Variants in LAMB2 observed in about 807,000 individuals in gnomAD.
The protein encoded by LAMB2 is laminin subunit beta-2.
A neutral mutation model predicts 202.7 loss-of-function variants in LAMB2; 119 were observed. The ratio of observed to expected loss-of-function variants is 0.59; its 90% CI spans 0.51 to 0.68. The LOEUF (loss-of-function observed/expected upper bound fraction) is 0.68. Among genes scored for constraint, LAMB2 ranks in the 30% least tolerant of loss-of-function variants. The pLI is 0.00. For missense variants in LAMB2, 2,124 were observed against 2,410.6 expected, an observed-to-expected ratio of 0.88 and a Z score of 2.49; for synonymous variants, 818 against 902.2, an observed-to-expected ratio of 0.91 and a Z score of 1.67.
Position 49,124,388 on chromosome 3 carries a change from C to T in LAMB2, c.3327+7G>A. The T allele has an allele frequency of 6.2e-7, 1 of 1,613,410 alleles. No homozygotes were observed. The highest frequency in any genetic ancestry group is 1.7e-4 in the Middle Eastern group (1 of 6,058). Reference sequence around the variant, plus strand: ...TCTAACCAGGGATCTGCAGGAGGGTCCCATACCTCGTTGCAGGTGGGGCCT... The same window carrying T: ...TCTAACCAGGGATCTGCAGGAGGGTTCCATACCTCGTTGCAGGTGGGGCCT... On this transcript the variant is annotated splice_region_variant and intron_variant, in intron 22 of 31. Coordinates refer to ENST00000305544, the MANE Select transcript of LAMB2 (RefSeq NM_002292.4).
chr3:49,130,499 C>T lies in LAMB2; in HGVS notation c.1037-80G>A. 2.6e-6 allele frequency: 4 copies of T among 1,537,806 alleles called. No individual in the cohort carries two copies. Among genetic ancestry groups the T allele is most frequent in the Admixed American group, 1.7e-5 (1 of 59,764 alleles). ...GTAAGAAGTAGGCCACCTTAGATCC[C>T]TATCACAGGCCAGAATTTGTGGGTA... On this transcript the variant is annotated intron_variant, in intron 8 of 31. Coordinates refer to ENST00000305544, the MANE Select transcript of LAMB2 (RefSeq NM_002292.4). The surrounding 1 kb of genome is among the most constrained non-coding windows in gnomAD (Gnocchi z 5.0).
chr3:49,132,567 C>T lies in LAMB2; in HGVS notation c.173G>A (p.Arg58Gln), dbSNP rs2107645705. The T allele has an allele frequency of 1.9e-6, 3 of 1,613,722 alleles. No homozygotes were observed. The highest frequency in any genetic ancestry group is 1.3e-5 in the African/African-American group (1 of 75,066). ...GGATGAGGCAGTCAGTCTGTCAGCT[C>T]GGCCCACCAGCAGGTCGCCCGTGGC... Reference protein sequence around the residue: ...YPATGDLLVGRADRLTASSTC... With the variant: ...YPATGDLLVGQADRLTASSTC... The change falls in exon 2 of 32, where the codon CGA becomes CAA. Residue 58 changes from arginine to glutamine, a missense_variant. Physicochemically the swap from Arg to Gln is conservative, Grantham distance 43 (BLOSUM62 1). Around this residue, in one of 3 missense-constraint regions of LAMB2, gnomAD observed 166 missense variants for 158.2 expected, o/e 1.05. Coordinates refer to ENST00000305544, the MANE Select transcript of LAMB2 (RefSeq NM_002292.4). The surrounding 1 kb of genome is among the most constrained non-coding windows in gnomAD (Gnocchi z 4.6).
At position 49,121,181 on chromosome 3, in the gene LAMB2, G is replaced by A. The variant is rs757734583; in HGVS notation, c.*45C>T. 2 of 1,609,788 alleles carry A rather than the reference G, an allele frequency of 1.2e-6. No individual in the cohort carries two copies. Among genetic ancestry groups the A allele is most frequent in the South Asian group, 1.1e-5 (1 of 90,952 alleles). On this transcript the variant is annotated 3_prime_UTR_variant, in exon 32 of 32. Transcript: ENST00000305544. Reference sequence around the variant, plus strand: ...AGCTCTTCAGTGCATAGGCAGACATGCATGTGGGGCAGTGCTAGGAACTGG... The same window carrying A: ...AGCTCTTCAGTGCATAGGCAGACATACATGTGGGGCAGTGCTAGGAACTGG...
In LAMB2 at chr3:49,129,902, G is replaced by A. The variant is rs1374680154; in HGVS notation, c.1342C>T (p.Arg448Cys). ...AAGCCATCACGGCATTGCTGGCAGC[G>A]AGTGCCCACCACATGTTCTTTGCAG... ...CRCKEHVVGT[R>C]CQQCRDGFFG... The change falls in exon 10 of 32, where the codon CGC becomes TGC. Residue 448 changes from arginine (R) to cysteine (C), a missense_variant. Coordinates refer to ENST00000305544, the MANE Select transcript of LAMB2 (RefSeq NM_002292.4). This position sits in a 1 kb window ranked among gnomAD's most constrained non-coding sequence, Gnocchi z 6.1. 1.9e-6 allele frequency: 3 copies of A among 1,613,862 alleles called. No individual in the cohort carries two copies. The highest frequency in any genetic ancestry group is 1.3e-5 in the African/African-American group (1 of 74,924).
rs201179067 is a variant in LAMB2, at chr3:49,132,506, G to C, written c.234C>G (p.Ile78Met). Residue 78 changes from isoleucine to methionine, a missense_variant, in exon 2 of 32, where the codon ATC becomes ATG. Transcript: ENST00000305544. This position sits in a 1 kb window ranked among gnomAD's most constrained non-coding sequence, Gnocchi z 4.6. ...CGLNGPQPYC[I>M]VSHLQDEKKC... ...CCAGCCACACCTGCAGGTGACTGAC[G>C]ATGCAGTAGGGCTGGGGGCCATTCA... 10 of 1,613,834 alleles carry C rather than the reference G, an allele frequency of 6.2e-6. No individual in the cohort carries two copies. The highest frequency in any genetic ancestry group is 8.5e-6 in the Non-Finnish European group (10 of 1,180,004).
In LAMB2 at chr3:49,123,646, A is replaced by T. The variant is rs781170284; in HGVS notation, c.3798-15T>A. The T allele has an allele frequency of 3.1e-6, 5 of 1,613,792 alleles. No individual in the cohort carries two copies. The highest frequency in any genetic ancestry group is 8.5e-7 in the Non-Finnish European group (1 of 1,180,018). On this transcript the variant is annotated splice_polypyrimidine_tract_variant and intron_variant, in intron 24 of 31. Transcript: ENST00000305544. ...CAATTTCACGCCTGCAATGATGGAG[A>T]GGGGGGTGTTTAGAGAGGCTTCAGC...
Position 49,123,292 on chromosome 3 carries a change from G to A in LAMB2, c.4064C>T (p.Pro1355Leu), listed in dbSNP as rs201104040. 3 of 1,614,126 alleles carry A rather than the reference G, an allele frequency of 1.9e-6. No homozygotes were observed. ...ACTTGCCGAGTTGCTCACAGGGCTA[G>A]GTACTGCCAGGGCTGAGGTATTGGC... ...RRANTSALAV[P>L]SPVSNSASAR... Residue 1355 changes from proline to leucine, a missense_variant, in exon 26 of 32, where the codon CCT (proline) becomes CTT (leucine). Physicochemically the swap from Pro to Leu is moderately conservative, Grantham distance 98. This residue lies in a region of LAMB2 where 1,702 missense variants were observed against 1,896.3 expected (regional missense o/e 0.90). Coordinates refer to ENST00000305544, the MANE Select transcript of LAMB2 (RefSeq NM_002292.4).
rs745947431 is a variant in LAMB2 at position 49,121,191 on chromosome 3, C to A, written c.*35G>T. 1.6e-5 allele frequency: 26 copies of A among 1,611,414 alleles called. No homozygotes were observed. The highest frequency in any genetic ancestry group is 2.1e-5 in the Non-Finnish European group (25 of 1,179,658). The stretch of plus-strand genomic sequence containing the variant: ...TGCATAGGCAGACATGCATGTGGGG[C>A]AGTGCTAGGAACTGGGGTAGGCCTT... On this transcript the variant is annotated 3_prime_UTR_variant, in exon 32 of 32. Coordinates refer to ENST00000305544, the MANE Select transcript of LAMB2 (RefSeq NM_002292.4).
Position 49,129,199 on chromosome 3 carries a change from C to T in LAMB2, c.1598+46G>A. 16 of 1,614,138 alleles carry T rather than the reference C, an allele frequency of 9.9e-6. No homozygotes were observed. Among genetic ancestry groups the T allele is most frequent in the Non-Finnish European group, 1.3e-5 (15 of 1,180,024 alleles). Reference sequence around the variant, plus strand: ...CTCAAGAAGAACCTTCTCTTCTGCTCAGGATCTTTCCCCATCCCTTCCCAG... The same window carrying T: ...CTCAAGAAGAACCTTCTCTTCTGCTTAGGATCTTTCCCCATCCCTTCCCAG... On this transcript the variant is annotated intron_variant, in intron 12 of 31. Coordinates refer to ENST00000305544, the MANE Select transcript of LAMB2 (RefSeq NM_002292.4). The surrounding 1 kb of genome is among the most constrained non-coding windows in gnomAD (Gnocchi z 6.1).
chr3:49,123,442 C>T lies in LAMB2; in HGVS notation c.3982+5G>A. On this transcript the variant is annotated splice_donor_5th_base_variant and intron_variant, in intron 25 of 31. Coordinates refer to ENST00000305544, the MANE Select transcript of LAMB2 (RefSeq NM_002292.4). ...GTCCACCTGCCTAGTTGGCTAACAACTCACCCAGGAAGTTTGAATGTTTGA... is the reference window on the plus strand; with the variant it reads ...GTCCACCTGCCTAGTTGGCTAACAATTCACCCAGGAAGTTTGAATGTTTGA... 4 of 1,614,118 alleles carry T rather than the reference C, an allele frequency of 2.5e-6. No individual in the cohort carries two copies. The highest frequency in any genetic ancestry group is 3.4e-6 in the Non-Finnish European group (4 of 1,180,042).
chr3:49,125,757 T>G lies in LAMB2; in HGVS notation c.2478A>C (p.Thr826=), dbSNP rs2045406834. 6.2e-7 allele frequency: 1 copy of G among 1,613,948 alleles called. No individual in the cohort carries two copies. The highest frequency in any genetic ancestry group is 8.5e-7 in the Non-Finnish European group (1 of 1,179,938). ...CAPGYYGFGP[T]GCQACQCSHE... ...GGGGCAGAAGAGTACCTTGACAGCC[T>G]GTGGGGCCAAAGCCATAGTAGCCAG... Residue 826 remains threonine (T), a synonymous_variant, in exon 18 of 32, where the codon ACA becomes ACC. Transcript: ENST00000305544.
In LAMB2 at chr3:49,129,873, A is replaced by AAAG; in HGVS notation, c.1368_1370dup (p.Phe457dup). 6.2e-7 allele frequency: 1 copy of AAAG among 1,613,960 alleles called. No individual in the cohort carries two copies. Among genetic ancestry groups the AAAG allele is most frequent in the Non-Finnish European group, 8.5e-7 (1 of 1,180,046 alleles). ...CCAGACGGTCACTGATGCTGAGCCC[A>AAAG]AAGAAGCCATCACGGCATTGCTGGC... On this transcript the variant is annotated inframe_insertion, in exon 10 of 32. Transcript: ENST00000305544. The surrounding 1 kb of genome is among the most constrained non-coding windows in gnomAD (Gnocchi z 6.1).
In LAMB2 at chr3:49,121,330, C is replaced by T. The variant is rs74951356; in HGVS notation, c.5293G>A (p.Ala1765Thr). ...LEGTYEENER[A>T]LESKAAQLDG... ...AACTGGGCTGCCTTACTCTCCAGTG[C>T]CCGCTCATTTTCCTCATAGGTGCCT... Residue 1765 changes from alanine to threonine, a missense_variant, in exon 32 of 32, where the codon GCA becomes ACA. This residue lies in a region of LAMB2 where 1,702 missense variants were observed against 1,896.3 expected (regional missense o/e 0.90). Transcript: ENST00000305544. 0.027 allele frequency: 42,993 copies of T among 1,613,976 alleles called. 663 individuals are homozygous for T. Among genetic ancestry groups the T allele is most frequent in the Non-Finnish European group, 0.031 (37,011 of 1,180,032 alleles).
At position 49,131,521 on chromosome 3, in the gene LAMB2, A is replaced by T. The variant is rs1353626241; in HGVS notation, c.648+14T>A. 6.2e-7 allele frequency: 1 copy of T among 1,613,888 alleles called. No individual in the cohort carries two copies. The highest frequency in any genetic ancestry group is 8.5e-7 in the Non-Finnish European group (1 of 1,180,022). On this transcript the variant is annotated intron_variant, in intron 5 of 31. Transcript: ENST00000305544. The surrounding 1 kb of genome is among the most constrained non-coding windows in gnomAD (Gnocchi z 5.0). ...CCCCAGCTTCCAGCCCCCAGCCCAG[A>T]TGCCAGCCCTCACCTCGCCTTCAGT...
intron 13 of LAMB2, 67 bp downstream of exon 13, chr3:49,128,953 C>G (rs1185410271): frequency 1.2e-6 from 2 of 1,602,208 alleles, no homozygotes; most frequent in African/African-American, 2.7e-5. Flanking sequence ...CTGCCCATAA[C>G]CCCACCTCTC....
In LAMB2 at chr3:49,130,170, C is replaced by A; in HGVS notation, c.1225+61G>T. On this transcript the variant is annotated intron_variant, in intron 9 of 31. Transcript: ENST00000305544. This position sits in a 1 kb window ranked among gnomAD's most constrained non-coding sequence, Gnocchi z 5.0. ...ATTTCCTGCAATTTAGACAGCAGTCCAGCTCTCTAGTTCCTGCCCCAGGCT... is the reference window on the plus strand; with the variant it reads ...ATTTCCTGCAATTTAGACAGCAGTCAAGCTCTCTAGTTCCTGCCCCAGGCT... 6.2e-7 allele frequency: 1 copy of A among 1,601,700 alleles called. No homozygotes were observed. Among genetic ancestry groups the A allele is most frequent in the Non-Finnish European group, 8.5e-7 (1 of 1,171,356 alleles).
rs763924308 is a variant in LAMB2 at position 49,129,331 on chromosome 3, G to A, written c.1519-7C>T. ...TCAGGCCCCAGTGGCCAGGCTGCAC[G>A]AAAGGAGTTGCTGGGGGCCAGAAAC... On this transcript the variant is annotated splice_polypyrimidine_tract_variant and splice_region_variant and intron_variant, in intron 11 of 31. Transcript: ENST00000305544. This position sits in a 1 kb window ranked among gnomAD's most constrained non-coding sequence, Gnocchi z 6.1. 48 of 1,610,604 alleles carry A rather than the reference G, an allele frequency of 3.0e-5. No homozygotes were observed. Among genetic ancestry groups the A allele is most frequent in the East Asian group, 6.7e-5 (3 of 44,858 alleles).
chr3:49,131,680 A>G lies in LAMB2; in HGVS notation c.503T>C (p.Phe168Ser), dbSNP rs1051632884. Residue 168 changes from phenylalanine (F) to serine (S), a missense_variant, in exon 5 of 32, where the codon TTT becomes TCT. Physicochemically the swap from Phe to Ser is radical, Grantham distance 155 (BLOSUM62 -2). Transcript: ENST00000305544. This position sits in a 1 kb window ranked among gnomAD's most constrained non-coding sequence, Gnocchi z 5.0. ...TCGGTACACATGCCAGGTGCGGCCA[A>G]AGTCTGCTGAGCGTTCCACCAGCAT... ...AAMLVERSAD[F>S]GRTWHVYRYF... The G allele has an allele frequency of 6.2e-7, 1 of 1,613,570 alleles. No homozygotes were observed. The highest frequency in any genetic ancestry group is 8.5e-7 in the Non-Finnish European group (1 of 1,180,038).
Position 49,132,963 on chromosome 3 carries a change from C to A in LAMB2, c.-96G>T. On this transcript the variant is annotated 5_prime_UTR_variant, in exon 1 of 32. Transcript: ENST00000305544. This position sits in a 1 kb window ranked among gnomAD's most constrained non-coding sequence, Gnocchi z 4.6. ...TTCCGTGTCAACTCTGCCTGTGGGT[C>A]TTTGGCCTGTTTCCCTCCAGGCCCT... The A allele has an allele frequency of 1.8e-6, 2 of 1,121,202 alleles. No homozygotes were observed. The highest frequency in any genetic ancestry group is 2.7e-6 in the Non-Finnish European group (2 of 741,846). The allele number at this position is 1,121,202 out of a possible 1,614,324, so 69.5% of individuals were successfully genotyped here. A position where few individuals can be genotyped will look rare whatever the true frequency, so the allele number is the denominator to read the frequency against.
Sources: allele counts gnomAD v4.1 joint callset, GRCh38; gene constraint gnomAD v4.1.1; regional missense constraint gnomAD v4.1.1; non-coding constraint Gnocchi (gnomAD v3.1); transcripts MANE v1.5; gene names NCBI Gene and HGNC (gene_info 2026-07-23, HGNC 2026-07-21).